Variants in SEC22C observed in about 807,000 individuals in gnomAD.
The protein encoded by SEC22C is SEC22 homolog C, vesicle trafficking protein, also known as vesicle-trafficking protein SEC22c.
Under a neutral mutation model 34.7 loss-of-function variants are expected in SEC22C, and 29 were observed. The ratio of observed to expected loss-of-function variants is 0.84; its 90% CI spans 0.62 to 1.14. SEC22C has a LOEUF of 1.14. Among genes scored for constraint, SEC22C ranks in the 50% most tolerant of loss-of-function variants. SEC22C has a pLI of 0.00. For synonymous variants in SEC22C, 117 were observed against 132.8 expected, an observed-to-expected ratio of 0.88 and a Z score of 0.82; for missense variants, 337 against 369.0, an observed-to-expected ratio of 0.91 and a Z score of 0.71.
At chr3:42,569,540 G>C (rs1000869114) in intron 1 of SEC22C, among the ~76,000 whole-genome samples, 4 of 152,204 alleles carry the variant, frequency 2.6e-5, no homozygotes, top group Admixed American at 6.5e-5. Context: ...CAGTTTAGCT[G>C]CCATATCCTC....
intron 1 of SEC22C, chr3:42,595,255 T>C (rs927155503): frequency 1.3e-5 from 2 of 152,250 alleles, no homozygotes; most frequent in African/African-American, 4.8e-5. Context: ...TTGTTGATGT[T>C]CCTTTAAGTC....
chr3:42,560,127 T>A (rs1031589948), intron 4 of SEC22C, among the ~76,000 whole-genome samples: 1 of 96,040 alleles, frequency 1.0e-5, no homozygotes, highest in Non-Finnish European at 2.4e-5. Context: ...TCTCTATATA[T>A]ATATATATAT....
In SEC22C at chr3:42,552,783, T is replaced by A; in HGVS notation, c.*465A>T. 1 of 984,694 alleles carries A rather than the reference T, an allele frequency of 1.0e-6. No homozygotes were observed. Among genetic ancestry groups the A allele is most frequent in the Non-Finnish European group, 1.2e-6 (1 of 829,180 alleles). The allele number at this position is 984,694 out of a possible 1,614,324, so 61.0% of individuals were successfully genotyped here. On this transcript the variant is annotated 3_prime_UTR_variant, in exon 7 of 7. Transcript: ENST00000264454. ...TTTATGAACCATATTTTTAGGTTTTTAATTCATCCTGTACTGACCCTCTGA... is the reference window on the plus strand; with the variant it reads ...TTTATGAACCATATTTTTAGGTTTTAAATTCATCCTGTACTGACCCTCTGA...
At chr3:42,576,476 T>C (rs761168113) in intron 1 of SEC22C, among the ~76,000 whole-genome samples, 1 of 152,048 alleles carries the variant, frequency 6.6e-6, no homozygotes, top group Admixed American at 6.6e-5. Flanking sequence ...AATGAACATA[T>C]AGAAACCAAA....
chr3:42,600,189 T>G (rs1455221411), intron 1 of SEC22C, among the ~76,000 whole-genome samples: 2 of 152,086 alleles, frequency 1.3e-5, no homozygotes, highest in Admixed American at 1.3e-4. Context: ...ACAAAAACGG[T>G]GCCAGTGACG....
intron 2 of SEC22C, among the ~76,000 whole-genome samples, chr3:42,565,093 G>C (rs1271774635): frequency 6.6e-6 from 1 of 152,084 alleles, no homozygotes; most frequent in Admixed American, 6.6e-5. Flanking sequence ...TCCTATGTAA[G>C]CCCAAACCAA....
intron 2 of SEC22C, chr3:42,563,895 C>T (rs1452629456): frequency 3.4e-6 from 5 of 1,454,394 alleles, no homozygotes; most frequent in African/African-American, 1.4e-5. Flanking sequence ...TAGTCTTAAT[C>T]AATGACAGCC....
intron 6 of SEC22C, among the ~76,000 whole-genome samples, chr3:42,554,105 A>G (rs557773340): frequency 6.7e-6 from 1 of 150,186 alleles, no homozygotes; most frequent in East Asian, 1.9e-4. Flanking sequence ...TTTTTTTTTT[A>G]AAAAAAGGAC....
chr3:42,590,989 G>T (rs767877417), intron 1 of SEC22C: 2 of 1,540,084 alleles, frequency 1.3e-6, no homozygotes, highest in South Asian at 1.2e-5. Flanking sequence ...GCGGGCGGGC[G>T]GGCGGGCGGA....
intron 2 of SEC22C, 157 bp from the exon 3 acceptor site, chr3:42,563,843 T>G: frequency 6.6e-7 from 1 of 1,515,916 alleles, no homozygotes; most frequent in Non-Finnish European, 8.8e-7. Context: ...GTTCGACCTA[T>G]TCCTGAGACT....
At chr3:42,591,652 G>C in intron 1 of SEC22C, 3 of 1,190,110 alleles carry the variant, frequency 2.5e-6, no homozygotes, top group Non-Finnish European at 2.5e-6. Context: ...GGGGAAGCCT[G>C]TGTGATGCGG....
chr3:42,565,931 T>C, intron 2 of SEC22C: 1 of 454,466 alleles, frequency 2.2e-6, no homozygotes, highest in South Asian at 1.6e-5. Flanking sequence ...ATGGTAAATA[T>C]TTAATTCAAA....
Position 42,550,170 on chromosome 3 carries a change from G to C in SEC22C, c.*3078C>G, listed in dbSNP as rs904693003. The C allele has an allele frequency of 4.1e-6, 4 of 985,328 alleles. No homozygotes were observed. The African/African-American group carries it at 7.0e-5, about 17-fold the overall frequency. The allele number at this position is 985,328 out of a possible 1,614,324, so 61.0% of individuals were successfully genotyped here. On this transcript the variant is annotated 3_prime_UTR_variant, in exon 7 of 7. Coordinates refer to ENST00000264454, the MANE Select transcript of SEC22C (RefSeq NM_032970.4). The stretch of plus-strand genomic sequence containing the variant: ...CACTCTGGCCTTGATACAGTAGATG[G>C]GACTTAACACACTCTGATGCTCAAG...
chr3:42,577,429 A>C (rs762355528), intron 1 of SEC22C, among the ~76,000 whole-genome samples: 3 of 152,222 alleles, frequency 2.0e-5, no homozygotes, highest in Non-Finnish European at 4.4e-5. Flanking sequence ...GAAAAAACAC[A>C]AACAATCCAA....
chr3:42,564,192 T>A (rs1460096693), intron 2 of SEC22C: 4 of 267,616 alleles, frequency 1.5e-5, no homozygotes. Context: ...TTATACTGTC[T>A]TCATCTGATT....
chr3:42,589,825 A>G (rs1169874387), intron 1 of SEC22C, among the ~76,000 whole-genome samples: 4 of 152,188 alleles, frequency 2.6e-5, no homozygotes, highest in Non-Finnish European at 4.4e-5. Context: ...GCTGGGGACC[A>G]CTGGTCTAGA....
rs748863185 is a variant in SEC22C, at chr3:42,557,624, G to A, written c.599C>T (p.Ala200Val). 1.9e-6 allele frequency: 3 copies of A among 1,611,696 alleles called. No individual in the cohort carries two copies. The highest frequency in any genetic ancestry group is 2.5e-6 in the Non-Finnish European group (3 of 1,178,450). The change falls in exon 5 of 7, where the codon GCC becomes GTC. Residue 200 changes from alanine (A) to valine (V), a missense_variant. Transcript: ENST00000264454. ...GTGAACTCCTCGAATGAGATTCAGG[G>A]CAGCACACATGATGTTGAGAATGAG... The part of the protein sequence containing the change: ...LSLILNIMCA[A>V]LNLIRGVHLA...
Position 42,568,854 on chromosome 3 carries a change from T to C in SEC22C, c.182+11A>G. On this transcript the variant is annotated intron_variant, in intron 2 of 6. Coordinates refer to ENST00000264454, the MANE Select transcript of SEC22C (RefSeq NM_032970.4). The stretch of plus-strand genomic sequence containing the variant: ...TGCTAATATTCTGAAAAAGTGAATA[T>C]GATCACTTACTGTATACTAAAGTCA... The C allele has an allele frequency of 6.2e-7, 1 of 1,611,842 alleles. No homozygotes were observed. The highest frequency in any genetic ancestry group is 2.2e-5 in the East Asian group (1 of 44,862).
upstream of SEC22C, among the ~76,000 whole-genome samples, chr3:42,586,815 CA>C (rs1704627138): frequency 6.6e-6 from 1 of 152,162 alleles, no homozygotes; most frequent in African/African-American, 2.4e-5. Flanking sequence ...GTTTCAGCCC[CA>C]AATAGCCACA....
Sources: gnomAD v4.1 joint callset for allele counts (sites outside exome capture counted in the v4.1 genomes callset) on GRCh38, gnomAD v4.1.1 for gene constraint, MANE v1.5 for transcripts, NCBI Gene and HGNC (gene_info 2026-07-23, HGNC 2026-07-21) for gene names.